The following COPS3 variants were observed in gnomAD, a reference collection of about 807,000 sequenced individuals.
COPS3 encodes COP9 signalosome subunit 3.
Under a neutral mutation model 58.2 loss-of-function variants are expected in COPS3, and 10 were observed. The observed-to-expected ratio is 0.17, with a 90% CI of 0.11 to 0.29. The LOEUF (loss-of-function observed/expected upper bound fraction) is 0.29, where lower values mean the gene tolerates loss of function less well. COPS3 is among the 10% of genes least tolerant of loss of function. COPS3 has a pLI of 1.00. For missense variants in COPS3, 333 were observed against 510.1 expected (o/e 0.65, Z 3.34); for synonymous variants, 187 against 181.7 (o/e 1.03, Z -0.24).
chr17:17,269,164 T>C (rs963713420), intron 4 of COPS3, among the ~76,000 whole-genome samples: 5 of 151,960 alleles, frequency 3.3e-5, no homozygotes, highest in Non-Finnish European at 5.9e-5. Context: ...TCACCTCTAT[T>C]AAAAATACAA....
At chr17:17,273,205 G>A (rs2048389174) in intron 2 of COPS3, among the ~76,000 whole-genome samples, 1 of 152,190 alleles carries the variant, frequency 6.6e-6, no homozygotes, top group Admixed American at 6.5e-5. Context: ...AGAGTTTAGA[G>A]AAGAAGCTTT....
intron 2 of COPS3, 97 bp downstream of exon 2, chr17:17,275,938 T>C: frequency 1.7e-6 from 2 of 1,210,056 alleles, no homozygotes; most frequent in South Asian, 1.8e-5. Context: ...CGAAACTCCA[T>C]CTCAAAAAAT....
chr17:17,260,745 G>C (rs558990954), intron 7 of COPS3: 54 of 214,006 alleles, frequency 2.5e-4, no homozygotes, highest in Non-Finnish European at 4.9e-4. Context: ...GGAGGTTGCA[G>C]TGAGCCAAGA....
intron 9 of COPS3, among the ~76,000 whole-genome samples, chr17:17,250,518 C>A (rs2145187044): frequency 6.6e-6 from 1 of 152,184 alleles, no homozygotes; most frequent in East Asian, 1.9e-4. Context: ...TCTTTTCATC[C>A]CAGTGGAAAC....
chr17:17,248,366 TG>T (rs1423643414), intron 10 of COPS3, among the ~76,000 whole-genome samples: 2 of 152,056 alleles, frequency 1.3e-5, no homozygotes, highest in African/African-American at 4.8e-5. Context: ...CAGGCTGGAG[TG>T]CAGTGGCGCA....
intron 2 of COPS3, among the ~76,000 whole-genome samples, chr17:17,273,867 G>T (rs1402015805): frequency 2.0e-5 from 3 of 152,060 alleles, no homozygotes; most frequent in African/African-American, 7.2e-5. Flanking sequence ...AAGAAAAAAA[G>T]TTAGCTGAGT....
At chr17:17,272,986 A>T (rs1461658256) in intron 2 of COPS3, among the ~76,000 whole-genome samples, 1 of 152,254 alleles carries the variant, frequency 6.6e-6, no homozygotes, top group Non-Finnish European at 1.5e-5. Context: ...GACCAAATTA[A>T]ATAGACCTTA....
chr17:17,252,979 C>T lies in COPS3; in HGVS notation c.1023+1880G>A, dbSNP rs768158428. Among the ~76,000 whole-genome samples, 38 of 152,332 alleles carry T rather than the reference C, an allele frequency of 2.5e-4. 1 individual carries two copies. In the Middle Eastern group the frequency reaches 0.014, roughly 55 times the overall value. ...GCTGTATCCAGCTGTAATCCCAGCA[C>T]TTTGGGAGGCCAAGGTGGGAAGGTC... On this transcript the variant is annotated intron_variant, in intron 9 of 11. Transcript: ENST00000268717.
Position 17,270,900 on chromosome 17 carries a change from G to A in COPS3, c.294C>T (p.Asp98=), listed in dbSNP as rs1436552827. 2.5e-6 allele frequency: 4 copies of A among 1,612,738 alleles called. No homozygotes were observed. The highest frequency in any genetic ancestry group is 1.7e-5 in the Admixed American group (1 of 59,882). ...CNGEHIRYAT[D]TFAGLCHQLT... ...ATAAAATGTTATTTAGCTTACAAGT[G>A]TCTGTTGCATATCGAATGTGCTCCC... Residue 98 remains aspartate, a synonymous_variant, in exon 3 of 12, where the codon GAC becomes GAT. Coordinates refer to ENST00000268717, the MANE Select transcript of COPS3 (RefSeq NM_003653.4).
chr17:17,278,323 G>T (rs1482273525), intron 1 of COPS3, among the ~76,000 whole-genome samples: 1 of 152,130 alleles, frequency 6.6e-6, no homozygotes. Flanking sequence ...TTTCTACAGA[G>T]CAACTGCATA....
rs1306721489 is a variant in COPS3 at position 17,254,872 on chromosome 17, T to C, written c.1010A>G (p.Tyr337Cys). The C allele has an allele frequency of 6.3e-7, 1 of 1,599,776 alleles. No homozygotes were observed. Among genetic ancestry groups the C allele is most frequent in the Non-Finnish European group, 8.5e-7 (1 of 1,169,672 alleles). Residue 337 changes from tyrosine to cysteine, a missense_variant, in exon 9 of 12, where the codon TAC (tyrosine) becomes TGC (cysteine). Physicochemically the swap from Tyr to Cys is radical, Grantham distance 194 (BLOSUM62 -2). Coordinates refer to ENST00000268717, the MANE Select transcript of COPS3 (RefSeq NM_003653.4). Reference sequence around the variant, plus strand: ...AAATCCACTTACCATGTGCAGAACGTATTTCTCTGCCTCCTGAGGTCCAGA... The same window carrying C: ...AAATCCACTTACCATGTGCAGAACGCATTTCTCTGCCTCCTGAGGTCCAGA... ...QLSGPQEAEK[Y>C]VLHMIEDGEI...
intron 6 of COPS3, among the ~76,000 whole-genome samples, chr17:17,263,813 C>T (rs192975318): frequency 2.1e-4 from 32 of 152,318 alleles, no homozygotes; most frequent in African/African-American, 5.3e-4. Flanking sequence ...CGCACTCGGA[C>T]GCCTCTTACC....
intron 11 of COPS3, 24 bp from the exon 12 acceptor site, chr17:17,247,175 GTATT>G: frequency 6.2e-7 from 1 of 1,609,508 alleles, no homozygotes; most frequent in Non-Finnish European, 8.5e-7. Flanking sequence ...GTGAAGTTAT[GTATT>G]TATGTTTGCT....
intron 4 of COPS3, among the ~76,000 whole-genome samples, chr17:17,270,327 A>G (rs886729482): frequency 2.0e-5 from 3 of 151,534 alleles, no homozygotes; most frequent in African/African-American, 7.3e-5. Context: ...GAGGAAGAGA[A>G]AAAAAAAAGA....
intron 4 of COPS3, among the ~76,000 whole-genome samples, chr17:17,269,190 C>T (rs951396409): frequency 2.0e-5 from 3 of 151,918 alleles, no homozygotes; most frequent in Non-Finnish European, 2.9e-5. Flanking sequence ...ACTGGGAGGC[C>T]GAGGCAGGCG....
chr17:17,252,743 G>T (rs549518827), intron 9 of COPS3, among the ~76,000 whole-genome samples: 1 of 152,124 alleles, frequency 6.6e-6, no homozygotes, highest in Non-Finnish European at 1.5e-5. Flanking sequence ...CTTCTCACTC[G>T]CCACTGAAGA....
At chr17:17,266,663 G>A (rs1017492344) in intron 5 of COPS3, among the ~76,000 whole-genome samples, 3 of 152,016 alleles carry the variant, frequency 2.0e-5, no homozygotes, top group African/African-American at 7.2e-5. Context: ...GCCGGGTGTA[G>A]TGGTGCACGT....
At chr17:17,247,437 TCTC>T in intron 11 of COPS3, 40 bp downstream of exon 11, 4 of 1,575,060 alleles carry the variant, frequency 2.5e-6, no homozygotes, top group Non-Finnish European at 3.5e-6. Context: ...CACCCCTCCT[TCTC>T]CACCCAGCCT....
chr17:17,247,661 T>C lies in COPS3; in HGVS notation c.1138-101A>G, dbSNP rs2047753446. 6.8e-6 allele frequency: 8 copies of C among 1,175,946 alleles called. No homozygotes were observed. In the East Asian group the frequency reaches 1.9e-4, roughly 28 times the overall value. 72.8% of individuals were successfully genotyped at this position (1,175,946 alleles called of 1,614,324 possible). A position where few individuals can be genotyped will look rare whatever the true frequency, so the allele number is the denominator to read the frequency against. On this transcript the variant is annotated intron_variant, in intron 10 of 11. Transcript: ENST00000268717. ...ACAAGGGTGCTATAGGTTCACAATC[T>C]CTTGATGTGAAACCCCTGGGGCCAC...
Sources: allele counts gnomAD v4.1 joint callset (sites outside exome capture counted in the v4.1 genomes callset), GRCh38; gene constraint gnomAD v4.1.1; transcripts MANE v1.5; gene names NCBI Gene and HGNC (gene_info 2026-07-23, HGNC 2026-07-21).